The following NR6A1 variants were observed in gnomAD, a reference collection of about 807,000 sequenced individuals.
The protein encoded by NR6A1 is nuclear receptor subfamily 6 group A member 1.
NR6A1 carries 7 observed loss-of-function variants against 59.1 expected under a neutral mutation model. The observed-to-expected ratio is 0.12, with a 90% confidence interval of 0.07 to 0.22. The LOEUF (loss-of-function observed/expected upper bound fraction) is 0.22. NR6A1 is among the 10% of genes least tolerant of loss of function. NR6A1 has a pLI of 1.00. For missense variants in NR6A1, 468 were observed against 611.6 expected, an observed-to-expected ratio of 0.77 and a Z score of 2.48; for synonymous variants, 243 against 236.1, an observed-to-expected ratio of 1.03 and a Z score of -0.27.
chr9:124,541,476 C>CA (rs758927092), intron 4 of NR6A1, among the ~76,000 whole-genome samples: 13 of 151,842 alleles, frequency 8.6e-5, no homozygotes, highest in African/African-American at 2.4e-4. Flanking sequence ...ACAACAACAA[C>CA]AAAAAAACCC....
intron 1 of NR6A1, among the ~76,000 whole-genome samples, chr9:124,770,681 G>A (rs1841116718): frequency 1.5e-5 from 2 of 134,586 alleles, no homozygotes; most frequent in Non-Finnish European, 3.2e-5. Context: ...GGACCCGGGG[G>A]GAGGAGGGAG....
intron 2 of NR6A1, among the ~76,000 whole-genome samples, chr9:124,672,417 C>T (rs1049240662): frequency 6.6e-6 from 1 of 151,972 alleles, no homozygotes; most frequent in African/African-American, 2.4e-5. Context: ...GAGTTCTAGA[C>T]CAGCCTGGCC....
At chr9:124,737,249 G>T (rs1010964100) in intron 1 of NR6A1, among the ~76,000 whole-genome samples, 1 of 152,074 alleles carries the variant, frequency 6.6e-6, no homozygotes, top group African/African-American at 2.4e-5. Flanking sequence ...ACATTCCCTC[G>T]ACCTAGTCCT....
At chr9:124,707,529 C>A (rs202204523) in intron 2 of NR6A1, among the ~76,000 whole-genome samples, 1 of 138,126 alleles carries the variant, frequency 7.2e-6, no homozygotes, top group South Asian at 2.2e-4. Flanking sequence ...TTTTTTTTTT[C>A]TTTCCTTAGT....
rs771983431 is a variant in NR6A1 at position 124,731,263 on chromosome 9, C to T, written c.142+2045G>A. On this transcript the variant is annotated intron_variant, in intron 2 of 9. Coordinates refer to ENST00000487099, the MANE Select transcript of NR6A1 (RefSeq NM_033334.4). Reference sequence around the variant, plus strand: ...CGCACGCCTGTAGTCCCAGCTACTCCGGAGGCTGATGCAGAAGAATCACTT... The same window carrying T: ...CGCACGCCTGTAGTCCCAGCTACTCTGGAGGCTGATGCAGAAGAATCACTT... 3.3e-5 allele frequency among the ~76,000 whole-genome samples: 5 copies of T among 151,544 alleles called. No individual in the cohort carries two copies. The East Asian group carries it at 9.7e-4, about 30-fold the overall frequency.
chr9:124,639,533 C>G lies in NR6A1; in HGVS notation c.143-84963G>C, dbSNP rs546567014. On this transcript the variant is annotated intron_variant, in intron 2 of 9. Coordinates refer to ENST00000487099, the MANE Select transcript of NR6A1 (RefSeq NM_033334.4). ...AACCAAATCTCAAACTTAGCCCTAT[C>G]AAGTATGTCAAGTAAATGTTCTTAA... 5.8e-4 allele frequency among the ~76,000 whole-genome samples: 89 copies of G among 152,300 alleles called. 1 individual carries two copies. In the South Asian group the frequency reaches 0.018, roughly 30 times the overall value.
chr9:124,621,039 G>T (rs56305216), intron 2 of NR6A1, among the ~76,000 whole-genome samples: 2 of 152,120 alleles, frequency 1.3e-5, no homozygotes, highest in South Asian at 4.1e-4. Flanking sequence ...CCAGAGCCCA[G>T]ATCGAAACAC....
In NR6A1 at chr9:124,751,255, A is replaced by G. The variant is rs146069265; in HGVS notation, c.101-17906T>C. 1.3e-3 allele frequency among the ~76,000 whole-genome samples: 195 copies of G among 152,390 alleles called. 2 individuals are homozygous for G. The highest frequency in any genetic ancestry group is 4.2e-3 in the African/African-American group (174 of 41,598). ...AATTAGGCTAATACTGCACATCAATATAATTGTTAAATCACAACTCAGCGA... is the reference window on the plus strand; with the variant it reads ...AATTAGGCTAATACTGCACATCAATGTAATTGTTAAATCACAACTCAGCGA... On this transcript the variant is annotated intron_variant, in intron 1 of 9. Transcript: ENST00000487099.
intron 2 of NR6A1, among the ~76,000 whole-genome samples, chr9:124,674,744 A>G (rs1837901733): frequency 1.3e-5 from 2 of 152,190 alleles, no homozygotes; most frequent in Admixed American, 6.6e-5. Flanking sequence ...CAAAAATGGG[A>G]GGAAAAAAGG....
At chr9:124,737,605 C>G (rs1489935760) in intron 1 of NR6A1, among the ~76,000 whole-genome samples, 2 of 152,222 alleles carry the variant, frequency 1.3e-5, no homozygotes, top group Non-Finnish European at 2.9e-5. Flanking sequence ...GTGGCTCACA[C>G]CTGTAATCCC....
rs574767718 is a variant in NR6A1 at position 124,540,279 on chromosome 9, C to T, written c.442-92G>A. The T allele has an allele frequency of 2.0e-5, 28 of 1,371,398 alleles. No individual in the cohort carries two copies. The South Asian group carries it at 3.8e-4, about 19-fold the overall frequency. The allele number at this position is 1,371,398 out of a possible 1,614,324, so 85.0% of individuals were successfully genotyped here. A position where few individuals can be genotyped will look rare whatever the true frequency, so the allele number is the denominator to read the frequency against. The stretch of plus-strand genomic sequence containing the variant: ...AGCTTATTTAAATCTCATAGGATTT[C>T]CCAGAAACCTAGGTTCCCTCTCCTC... On this transcript the variant is annotated intron_variant, in intron 4 of 9. Coordinates refer to ENST00000487099, the MANE Select transcript of NR6A1 (RefSeq NM_033334.4).
intron 2 of NR6A1, among the ~76,000 whole-genome samples, chr9:124,699,981 T>C (rs1246984665): frequency 1.3e-5 from 2 of 151,898 alleles, no homozygotes; most frequent in African/African-American, 4.8e-5. Context: ...CTCAGTCACC[T>C]GAGTAGCTTT....
At chr9:124,570,432 G>A (rs1224341127) in intron 2 of NR6A1, among the ~76,000 whole-genome samples, 2 of 152,194 alleles carry the variant, frequency 1.3e-5, no homozygotes, top group Non-Finnish European at 2.9e-5. Flanking sequence ...AAATGTTACT[G>A]ATGCCATTAA....
At chr9:124,728,545 G>C (rs1240847314) in intron 2 of NR6A1, among the ~76,000 whole-genome samples, 1 of 151,960 alleles carries the variant, frequency 6.6e-6, no homozygotes, top group Non-Finnish European at 1.5e-5. Context: ...TGAGGCAGGA[G>C]AATCGCTTGA....
In NR6A1 at chr9:124,537,973, G is replaced by A. The variant is rs1019015107; in HGVS notation, c.824+119C>T. ...AGCACAGATTTGTCCCCTGACACTT[G>A]AGTCATTATCCCCCCAACTCATTCT... is the stretch of plus-strand genomic sequence containing the variant. On this transcript the variant is annotated intron_variant, in intron 6 of 9. Coordinates refer to ENST00000487099, the MANE Select transcript of NR6A1 (RefSeq NM_033334.4). 3 of 732,270 alleles carry A rather than the reference G, an allele frequency of 4.1e-6. No individual in the cohort carries two copies. The South Asian group carries it at 5.6e-5, about 14-fold the overall frequency. The allele number at this position is 732,270 out of a possible 1,614,324, so 45.4% of individuals were successfully genotyped here.
chr9:124,592,769 G>A (rs934421714), intron 2 of NR6A1, among the ~76,000 whole-genome samples: 1 of 152,190 alleles, frequency 6.6e-6, no homozygotes, highest in Non-Finnish European at 1.5e-5. Flanking sequence ...TTCAAGTTGG[G>A]AGAAGACTAT....
chr9:124,554,258 C>A, intron 3 of NR6A1, 70 bp downstream of exon 3: 1 of 1,606,584 alleles, frequency 6.2e-7, no homozygotes, highest in African/African-American at 1.3e-5. Context: ...GAATAAGTAA[C>A]TAAACAGCTG....
intron 2 of NR6A1, among the ~76,000 whole-genome samples, chr9:124,681,477 G>A: frequency 6.6e-6 from 1 of 151,862 alleles, no homozygotes; most frequent in Non-Finnish European, 1.5e-5. Flanking sequence ...GAGTAGCTGG[G>A]ACTACAGGTG....
chr9:124,723,263 GA>G (rs1301288855), intron 2 of NR6A1, among the ~76,000 whole-genome samples: 7 of 152,114 alleles, frequency 4.6e-5, no homozygotes, highest in African/African-American at 1.7e-4. Context: ...TGACCAAAAA[GA>G]AAGTGTGTAA....
Sources: gnomAD v4.1 joint callset for allele counts (sites outside exome capture counted in the v4.1 genomes callset) on GRCh38, gnomAD v4.1.1 for gene constraint, MANE v1.5 for transcripts, NCBI Gene and HGNC (gene_info 2026-07-23, HGNC 2026-07-21) for gene names.